HSD11B1: variants seen among roughly 807,000 people sequenced by gnomAD.
The protein encoded by HSD11B1 is hydroxysteroid 11-beta dehydrogenase 1.
HSD11B1 carries 15 observed loss-of-function variants against 22.1 expected under a neutral mutation model. The observed-to-expected ratio is 0.68, with a 90% CI of 0.45 to 1.04. HSD11B1 has a LOEUF of 1.04. HSD11B1 is among the 50% of genes least tolerant of loss of function. The probability of loss-of-function intolerance (pLI) is 0.00; values close to 1 mark genes in which losing one functional copy is unlikely to be tolerated. For synonymous variants in HSD11B1, 122 were observed against 125.2 expected (o/e 0.97, Z 0.17); for missense variants, 281 against 357.6 (o/e 0.79, Z 1.73).
intron 1 of HSD11B1, among the ~76,000 whole-genome samples, chr1:209,689,689 T>C (rs1334354095): frequency 6.6e-6 from 1 of 152,172 alleles, no homozygotes; most frequent in African/African-American, 2.4e-5. Context: ...TGATGTCTGC[T>C]CCTCTTGGAC....
intron 1 of HSD11B1, among the ~76,000 whole-genome samples, chr1:209,697,883 C>CTTTTTTTTTTTTTTTTTTTTTT (rs1558187212): frequency 9.1e-5 from 2 of 21,914 alleles, no homozygotes; most frequent in African/African-American, 1.7e-4. Context: ...TTTGTTTTTT[C>CTTTTTTTTTTTTTTTTTTTTTT]CTTTTTTTTT....
At chr1:209,727,068 GA>G (rs2077006938) in intron 4 of HSD11B1, among the ~76,000 whole-genome samples, 2 of 152,174 alleles carry the variant, frequency 1.3e-5, no homozygotes, top group Admixed American at 1.3e-4. Flanking sequence ...ATCTCAAGAT[GA>G]AATCATTCCC....
chr1:209,727,573 A>T (rs941764480), intron 4 of HSD11B1, among the ~76,000 whole-genome samples: 5 of 152,150 alleles, frequency 3.3e-5, no homozygotes, highest in African/African-American at 1.2e-4. Context: ...GGCTCCTGGA[A>T]AACACTCATA....
At chr1:209,728,739 C>G (rs1391561911) in intron 4 of HSD11B1, among the ~76,000 whole-genome samples, 1 of 152,068 alleles carries the variant, frequency 6.6e-6, no homozygotes, top group Non-Finnish European at 1.5e-5. Context: ...AATTCCAGCC[C>G]CCATATCAAT....
intron 1 of HSD11B1, among the ~76,000 whole-genome samples, chr1:209,696,011 T>C (rs975261125): frequency 1.2e-4 from 19 of 152,158 alleles, no homozygotes; most frequent in African/African-American, 4.6e-4. Context: ...ATGTGGTACA[T>C]CCATACAATG....
rs2102370692 is a variant in HSD11B1, at chr1:209,706,010, T to C, written c.219+69T>C. 3 of 1,594,088 alleles carry C rather than the reference T, an allele frequency of 1.9e-6. No homozygotes were observed. Among genetic ancestry groups the C allele is most frequent in the African/African-American group, 1.4e-5 (1 of 73,190 alleles). On this transcript the variant is annotated intron_variant, in intron 2 of 5. Transcript: ENST00000367027. The surrounding 1 kb of genome is among the most constrained non-coding windows in gnomAD (Gnocchi z 4.0). ...AGATGTGTTCTTATATATGCTCACA[T>C]ATACACAGAAGCTAGCATATCGCAG...
At chr1:209,719,943 T>G (rs2076955371) in intron 4 of HSD11B1, among the ~76,000 whole-genome samples, 1 of 152,208 alleles carries the variant, frequency 6.6e-6, no homozygotes, top group Non-Finnish European at 1.5e-5. Context: ...CAAATGGTAT[T>G]TCTAGTTCTA....
At chr1:209,712,239 T>A (rs1314922403) in intron 4 of HSD11B1, among the ~76,000 whole-genome samples, 1 of 152,214 alleles carries the variant, frequency 6.6e-6, no homozygotes, top group Non-Finnish European at 1.5e-5. Context: ...GGCACTTGAA[T>A]TTCTTAACAA....
intron 1 of HSD11B1, among the ~76,000 whole-genome samples, chr1:209,696,967 AT>A (rs1353572549): frequency 6.6e-6 from 1 of 152,194 alleles, no homozygotes; most frequent in South Asian, 2.1e-4. Flanking sequence ...AAGATTCAGA[AT>A]TTTTTGCATA....
chr1:209,720,349 G>GA (rs1352566002), intron 4 of HSD11B1, among the ~76,000 whole-genome samples: 1 of 151,974 alleles, frequency 6.6e-6, no homozygotes, highest in Non-Finnish European at 1.5e-5. Context: ...AAATCATGAG[G>GA]AAACACCGGA....
chr1:209,726,055 GGC>G (rs2076998888), intron 4 of HSD11B1, among the ~76,000 whole-genome samples: 1 of 151,900 alleles, frequency 6.6e-6, no homozygotes, highest in Non-Finnish European at 1.5e-5. Flanking sequence ...ATTAAAAGCA[GGC>G]GGATCACGAG....
intron 1 of HSD11B1, among the ~76,000 whole-genome samples, chr1:209,696,549 T>A (rs964871721): frequency 6.6e-6 from 1 of 151,992 alleles, no homozygotes; most frequent in Non-Finnish European, 1.5e-5. Flanking sequence ...ATTATAACCA[T>A]GAGAGAGAAG....
intron 1 of HSD11B1, among the ~76,000 whole-genome samples, chr1:209,699,649 ATGCCTTCC>A (rs2076815173): frequency 6.6e-6 from 1 of 152,098 alleles, no homozygotes; most frequent in South Asian, 2.1e-4. Context: ...AAAACCAATC[ATGCCTTCC>A]CAACAGTCCC....
At chr1:209,713,361 T>G (rs1044957138) in intron 4 of HSD11B1, among the ~76,000 whole-genome samples, 2 of 152,226 alleles carry the variant, frequency 1.3e-5, no homozygotes. Flanking sequence ...CTTCATATTT[T>G]TCTTCATTTT....
rs1270540463 is a variant in HSD11B1, at chr1:209,692,127, G to A, written c.-49+5842G>A. ...AGTTATAACACAGCAGTCTCCCAGG[G>A]AATACATTCTACCAACCAGTCAGCA... On this transcript the variant is annotated intron_variant, in intron 1 of 6. Coordinates refer to the HSD11B1 transcript ENST00000261465. Among the ~76,000 whole-genome samples, 3 of 151,520 alleles carry A rather than the reference G, an allele frequency of 2.0e-5. No homozygotes were observed. In the East Asian group the frequency reaches 5.8e-4, roughly 29 times the overall value.
intron 1 of HSD11B1, among the ~76,000 whole-genome samples, chr1:209,689,963 C>T (rs1459922156): frequency 6.6e-6 from 1 of 152,092 alleles, no homozygotes; most frequent in African/African-American, 2.4e-5. Context: ...CATCAATATC[C>T]CCCAGAGATA....
At chr1:209,716,325 T>A (rs887311552) in intron 4 of HSD11B1, among the ~76,000 whole-genome samples, 1 of 142,830 alleles carries the variant, frequency 7.0e-6, no homozygotes. Context: ...CCATTTACAA[T>A]AGCTACAGAA....
At chr1:209,720,936 C>G (rs1381880656) in intron 4 of HSD11B1, among the ~76,000 whole-genome samples, 1 of 152,170 alleles carries the variant, frequency 6.6e-6, no homozygotes, top group East Asian at 1.9e-4. Context: ...ATGAGATCAT[C>G]CTGGATTAGC....
chr1:209,707,955 T>C (rs1481866487), intron 4 of HSD11B1, among the ~76,000 whole-genome samples: 1 of 151,626 alleles, frequency 6.6e-6, no homozygotes, highest in Non-Finnish European at 1.5e-5. Flanking sequence ...CAGACCTGCC[T>C]ATAGTGGGTG....
Sources: gnomAD v4.1 joint callset for allele counts (sites outside exome capture counted in the v4.1 genomes callset) on GRCh38, gnomAD v4.1.1 for gene constraint, Gnocchi (gnomAD v3.1) non-coding constraint, MANE v1.5 for transcripts, NCBI Gene and HGNC (gene_info 2026-07-23, HGNC 2026-07-21) for gene names.